The following POLR3B variants were observed in gnomAD, a reference collection of about 807,000 sequenced individuals.
POLR3B encodes RNA polymerase III subunit B.
A neutral mutation model predicts 147.4 loss-of-function variants in POLR3B; 96 were observed. The observed-to-expected ratio is 0.65, with a 90% CI of 0.55 to 0.77. The LOEUF (loss-of-function observed/expected upper bound fraction) is 0.77. POLR3B is among the 30% of genes least tolerant of loss of function. The pLI, the probability that POLR3B is intolerant of heterozygous loss-of-function variation, is 0.00. For synonymous variants in POLR3B, 461 were observed against 485.9 expected (o/e 0.95, Z 0.67); for missense variants, 1,036 against 1,413.5 (o/e 0.73, Z 4.28).
At chr12:106,400,465 C>T (rs1423340482) in intron 10 of POLR3B, among the ~76,000 whole-genome samples, 1 of 152,170 alleles carries the variant, frequency 6.6e-6, no homozygotes, top group Admixed American at 6.5e-5. Flanking sequence ...CGACTCTGCA[C>T]CAAGTGGACC....
chr12:106,431,477 A>G (rs993341057), intron 14 of POLR3B, among the ~76,000 whole-genome samples: 1 of 151,944 alleles, frequency 6.6e-6, no homozygotes, highest in Non-Finnish European at 1.5e-5. Context: ...TTTTTTTCCT[A>G]TTTGCTATAT....
At chr12:106,408,160 A>T (rs2037174381) in intron 11 of POLR3B, among the ~76,000 whole-genome samples, 1 of 152,224 alleles carries the variant, frequency 6.6e-6, no homozygotes, top group Admixed American at 6.5e-5. Flanking sequence ...TTGTTTAAAG[A>T]TGATTAGACG....
At chr12:106,486,232 C>T (rs893357906) in intron 23 of POLR3B, among the ~76,000 whole-genome samples, 26 of 136,002 alleles carry the variant, frequency 1.9e-4, no homozygotes, top group African/African-American at 6.4e-4. Flanking sequence ...GAGCTTGCAG[C>T]GAGCCTAGAT....
intron 27 of POLR3B, among the ~76,000 whole-genome samples, chr12:106,508,538 G>A (rs2038725732): frequency 6.6e-6 from 1 of 152,198 alleles, no homozygotes; most frequent in Non-Finnish European, 1.5e-5. Flanking sequence ...GACCCTTGAG[G>A]TGTAGGGTAA....
At chr12:106,440,605 C>T (rs2037637345) in intron 18 of POLR3B, among the ~76,000 whole-genome samples, 1 of 152,134 alleles carries the variant, frequency 6.6e-6, no homozygotes, top group African/African-American at 2.4e-5. Flanking sequence ...TCTCACATAC[C>T]TGCATGGCTC....
intron 18 of POLR3B, among the ~76,000 whole-genome samples, chr12:106,441,543 G>A (rs543815824): frequency 7.4e-4 from 112 of 152,200 alleles, no homozygotes; most frequent in African/African-American, 2.5e-3. Flanking sequence ...TATTATAATC[G>A]TTTGGAACCA....
At chr12:106,472,682 T>G (rs963132373) in intron 23 of POLR3B, among the ~76,000 whole-genome samples, 7 of 134,126 alleles carry the variant, frequency 5.2e-5, no homozygotes, top group Admixed American at 4.5e-4. Flanking sequence ...TGTCTGTTCA[T>G]GTCCTTCGCC....
At chr12:106,400,638 G>A (rs2037048604) in intron 10 of POLR3B, among the ~76,000 whole-genome samples, 1 of 152,218 alleles carries the variant, frequency 6.6e-6, no homozygotes, top group African/African-American at 2.4e-5. Context: ...TCAGACCACA[G>A]TGGAATCAAA....
At chr12:106,362,420 C>G (rs911966202) in intron 1 of POLR3B, among the ~76,000 whole-genome samples, 1 of 152,132 alleles carries the variant, frequency 6.6e-6, no homozygotes, top group African/African-American at 2.4e-5. Context: ...TCTCATAGTT[C>G]TGGAAGTTAG....
At chr12:106,475,076 C>T (rs2038146733) in intron 23 of POLR3B, among the ~76,000 whole-genome samples, 1 of 132,440 alleles carries the variant, frequency 7.6e-6, no homozygotes, top group East Asian at 2.0e-4. Flanking sequence ...TCTTTGTTCT[C>T]ATTGGTTTCA....
intron 10 of POLR3B, among the ~76,000 whole-genome samples, chr12:106,403,305 AAAC>A (rs1484246754): frequency 2.6e-5 from 4 of 151,116 alleles, no homozygotes; most frequent in Admixed American, 6.6e-5. Context: ...AAAAGTCAGG[AAAC>A]AACAGGTGCT....
intron 20 of POLR3B, among the ~76,000 whole-genome samples, chr12:106,456,750 C>A (rs1181578598): frequency 6.6e-6 from 1 of 152,158 alleles, no homozygotes; most frequent in Non-Finnish European, 1.5e-5. Context: ...ACTCCTAGTG[C>A]CTGTAAAACA....
intron 23 of POLR3B, among the ~76,000 whole-genome samples, chr12:106,480,858 T>C (rs973130641): frequency 6.7e-6 from 1 of 149,562 alleles, no homozygotes; most frequent in South Asian, 2.1e-4. Context: ...GGGAATGATA[T>C]GTCGTGAGAT....
chr12:106,404,222 C>T (rs2037118118), intron 10 of POLR3B, among the ~76,000 whole-genome samples: 1 of 151,986 alleles, frequency 6.6e-6, no homozygotes, highest in Non-Finnish European at 1.5e-5. Context: ...TCCCAAGTAG[C>T]TGGGACTACA....
chr12:106,492,882 T>C (rs2038425901), intron 23 of POLR3B, among the ~76,000 whole-genome samples: 1 of 152,226 alleles, frequency 6.6e-6, no homozygotes, highest in African/African-American at 2.4e-5. Context: ...GATTCTATTT[T>C]TTTTTCTTAC....
At position 106,427,183 on chromosome 12, in the gene POLR3B, T is replaced by TC; in HGVS notation, c.1102-14_1102-13insC. The TC allele has an allele frequency of 6.9e-7, 1 of 1,447,566 alleles. No individual in the cohort carries two copies. The highest frequency in any genetic ancestry group is 9.4e-7 in the Non-Finnish European group (1 of 1,063,134). 89.7% of individuals were successfully genotyped at this position (1,447,566 alleles called of 1,614,324 possible). A position where few individuals can be genotyped will look rare whatever the true frequency, so the allele number is the denominator to read the frequency against. On this transcript the variant is annotated splice_polypyrimidine_tract_variant and intron_variant, in intron 12 of 27. Coordinates refer to ENST00000228347, the MANE Select transcript of POLR3B (RefSeq NM_018082.6). ...TTTTGAAAAATCACCATATACCTTT[T>TC]TTTTTTTTTTTAGCTTTTATCTCTT...
intron 17 of POLR3B, among the ~76,000 whole-genome samples, 199 bp from the exon 18 acceptor site, chr12:106,437,482 A>G (rs1389183742): frequency 6.6e-6 from 1 of 152,134 alleles, no homozygotes. Flanking sequence ...ACAGACAGAC[A>G]CTTTGCTGTT....
intron 19 of POLR3B, among the ~76,000 whole-genome samples, chr12:106,454,032 C>T (rs1593049887): frequency 1.3e-5 from 2 of 152,276 alleles, no homozygotes; most frequent in East Asian, 3.9e-4. Flanking sequence ...CTTCCCTTCT[C>T]TCCTGTATTC....
Position 106,463,570 on chromosome 12 carries a change from C to T in POLR3B, c.2663C>T (p.Thr888Ile), listed in dbSNP as rs2037967726. 1 of 1,613,426 alleles carries T rather than the reference C, an allele frequency of 6.2e-7. No homozygotes were observed. The highest frequency in any genetic ancestry group is 1.1e-5 in the South Asian group (1 of 91,076). The change falls in exon 23 of 28, where the codon ACA (threonine) becomes ATA (isoleucine). Residue 888 changes from threonine to isoleucine, a missense_variant. Coordinates refer to ENST00000228347, the MANE Select transcript of POLR3B (RefSeq NM_018082.6). ...CTGATCAAAATGCTGCTGAGACAGA[C>T]AAGGCGTCCAGAAATTGGAGACAAA... ...AFLIKMLLRQ[T>I]RRPEIGDKFS...
Sources: allele counts gnomAD v4.1 joint callset (sites outside exome capture counted in the v4.1 genomes callset), GRCh38; gene constraint gnomAD v4.1.1; transcripts MANE v1.5; gene names NCBI Gene and HGNC (gene_info 2026-07-23, HGNC 2026-07-21).